Variants in OSBPL3 observed in about 807,000 individuals in gnomAD.
OSBPL3 encodes the protein oxysterol binding protein like 3, also known as oxysterol-binding protein-related protein 3.
A neutral mutation model predicts 120.1 loss-of-function variants in OSBPL3; 65 were observed. The ratio of observed to expected loss-of-function variants is 0.54; its 90% CI spans 0.44 to 0.67. The LOEUF (loss-of-function observed/expected upper bound fraction) is 0.67. OSBPL3 is among the 30% of genes least tolerant of loss of function. The probability of loss-of-function intolerance (pLI) is 0.00; values close to 1 mark genes in which losing one functional copy is unlikely to be tolerated. For synonymous variants in OSBPL3, 416 were observed against 402.6 expected (o/e 1.03, Z -0.40); for missense variants, 1,004 against 1,082.1 (o/e 0.93, Z 1.01).
At chr7:24,857,675 T>C (rs1461862624) in intron 10 of OSBPL3, among the ~76,000 whole-genome samples, 2 of 152,212 alleles carry the variant, frequency 1.3e-5, no homozygotes, top group Non-Finnish European at 1.5e-5. Flanking sequence ...TTATTTACAA[T>C]GTTTTTTAAA....
In OSBPL3 at chr7:24,962,950, A is replaced by G. The variant is rs186951818; in HGVS notation, c.-150+16936T>C. Among the ~76,000 whole-genome samples, 65 of 152,346 alleles carry G rather than the reference A, an allele frequency of 4.3e-4. 1 individual carries two copies. The East Asian group carries it at 0.011, about 25-fold the overall frequency. On this transcript the variant is annotated intron_variant, in intron 1 of 22. Transcript: ENST00000313367. ...GAGTGCCCACCCTCAATTATAATAAAAAGTTTTTAAATATTTTTGAAATGT... is the reference window on the plus strand; with the variant it reads ...GAGTGCCCACCCTCAATTATAATAAGAAGTTTTTAAATATTTTTGAAATGT...
At position 24,896,994 on chromosome 7, in the gene OSBPL3, C is replaced by A. The variant is rs1806226897; in HGVS notation, c.-149-4373G>T. 6.6e-6 allele frequency among the ~76,000 whole-genome samples: 1 copy of A among 151,526 alleles called. No individual in the cohort carries two copies. The highest frequency in any genetic ancestry group is 2.0e-4 in the East Asian group (1 of 5,100). The stretch of plus-strand genomic sequence containing the variant: ...GGCTGAGGCAGGAGAACTGCTTGAA[C>A]CTGGGAGGCAGAGGTTGCAGTGAAC... On this transcript the variant is annotated intron_variant, in intron 1 of 22. Coordinates refer to ENST00000313367, the MANE Select transcript of OSBPL3 (RefSeq NM_015550.4). The surrounding 1 kb of genome is among the most constrained non-coding windows in gnomAD (Gnocchi z 4.4).
Position 24,898,295 on chromosome 7 carries a change from G to A in OSBPL3, c.-149-5674C>T, listed in dbSNP as rs937158933. ...CCTCTGAAGTGCTGTCCATGTGTCC[G>A]AACTATCTGAACTGCTGGTCTGATC... On this transcript the variant is annotated intron_variant, in intron 1 of 22. Coordinates refer to ENST00000313367, the MANE Select transcript of OSBPL3 (RefSeq NM_015550.4). The surrounding 1 kb of genome is among the most constrained non-coding windows in gnomAD (Gnocchi z 4.3). Among the ~76,000 whole-genome samples, 5 of 152,154 alleles carry A rather than the reference G, an allele frequency of 3.3e-5. No homozygotes were observed. Among genetic ancestry groups the A allele is most frequent in the Non-Finnish European group, 2.9e-5 (2 of 68,036 alleles).
chr7:24,907,103 C>A (rs934777079), intron 1 of OSBPL3, among the ~76,000 whole-genome samples: 1 of 152,064 alleles, frequency 6.6e-6, no homozygotes, highest in Non-Finnish European at 1.5e-5. Context: ...GACCTCATCA[C>A]CCCCCAATGT....
rs1387194933 is a variant in OSBPL3, at chr7:24,959,639, TTA to T, written c.-150+20245_-150+20246del. ...ATTTATCTTCTGAAAACTCATTAGA[TTA>T]TATGTTGATGCTTTGTATACTTTTC... On this transcript the variant is annotated intron_variant, in intron 1 of 22. Transcript: ENST00000313367. The surrounding 1 kb of genome is among the most constrained non-coding windows in gnomAD (Gnocchi z 4.3). Among the ~76,000 whole-genome samples, 1 of 152,240 alleles carries T rather than the reference TTA, an allele frequency of 6.6e-6. No homozygotes were observed. The highest frequency in any genetic ancestry group is 1.5e-5 in the Non-Finnish European group (1 of 68,038).
rs1205406191 is a variant in OSBPL3, at chr7:24,851,380, A to C, written c.1158+1124T>G. Among the ~76,000 whole-genome samples, 3 of 152,368 alleles carry C rather than the reference A, an allele frequency of 2.0e-5. No individual in the cohort carries two copies. Among genetic ancestry groups the C allele is most frequent in the African/African-American group, 7.2e-5 (3 of 41,590 alleles). ...GAAGATAGCATACTTGTAATGGTCC[A>C]TCAGTGAATACTCCTTACATATTCT... On this transcript the variant is annotated intron_variant, in intron 11 of 22. Coordinates refer to ENST00000313367, the MANE Select transcript of OSBPL3 (RefSeq NM_015550.4). This position sits in a 1 kb window ranked among gnomAD's most constrained non-coding sequence, Gnocchi z 4.1.
chr7:24,969,328 C>T (rs894531640), intron 1 of OSBPL3, among the ~76,000 whole-genome samples: 2 of 152,194 alleles, frequency 1.3e-5, no homozygotes, highest in Non-Finnish European at 2.9e-5. Context: ...TTTACAGTAA[C>T]TGGCCTTTCT....
intron 10 of OSBPL3, among the ~76,000 whole-genome samples, chr7:24,856,101 T>G (rs1799807404): frequency 6.6e-6 from 1 of 152,234 alleles, no homozygotes; most frequent in Non-Finnish European, 1.5e-5. Context: ...CATTGAGTGT[T>G]CAAATATCGG....
At position 24,929,123 on chromosome 7, in the gene OSBPL3, T is replaced by C. The variant is rs115386578; in HGVS notation, c.-149-36502A>G. ...ACCAGCCATGTCTGACAGCTCTAGT[T>C]GCTCCACATCCTAGCCAACATTTGC... On this transcript the variant is annotated intron_variant, in intron 1 of 22. Transcript: ENST00000313367. 6.5e-3 allele frequency among the ~76,000 whole-genome samples: 986 copies of C among 152,328 alleles called. 10 individuals carry two copies. Among genetic ancestry groups the C allele is most frequent in the African/African-American group, 0.022 (915 of 41,568 alleles).
At position 24,861,900 on chromosome 7, in the gene OSBPL3, T is replaced by TGG. The variant is rs35090190; in HGVS notation, c.871-133_871-132dup. The TGG allele has an allele frequency of 2.5e-3, 968 of 385,906 alleles. 6 individuals are homozygous for TGG. Among genetic ancestry groups the TGG allele is most frequent in the African/African-American group, 0.015 (641 of 42,114 alleles). 23.9% of individuals were successfully genotyped at this position (385,906 alleles called of 1,614,324 possible). A position where few individuals can be genotyped will look rare whatever the true frequency, so the allele number is the denominator to read the frequency against. On this transcript the variant is annotated intron_variant, in intron 9 of 22. Coordinates refer to ENST00000313367, the MANE Select transcript of OSBPL3 (RefSeq NM_015550.4). ...TAGGTAGGTCTTTTTTTTTTTTTTTTGGGGGGGATGGAGTCTCGCTCTGCC... is the reference window on the plus strand; with the variant it reads ...TAGGTAGGTCTTTTTTTTTTTTTTTTGGGGGGGGGATGGAGTCTCGCTCTGCC...
chr7:24,839,209 A>G (rs927699579), intron 14 of OSBPL3, among the ~76,000 whole-genome samples: 1 of 152,208 alleles, frequency 6.6e-6, no homozygotes, highest in African/African-American at 2.4e-5. Flanking sequence ...TATCCAATGC[A>G]TAGTGCAGAC....
At chr7:24,866,533 C>G (rs553627435) in intron 5 of OSBPL3, among the ~76,000 whole-genome samples, 1 of 152,006 alleles carries the variant, frequency 6.6e-6, no homozygotes, top group African/African-American at 2.4e-5. Flanking sequence ...CTGAGCTACT[C>G]GGGAGGCTGA....
At chr7:24,928,408 G>A (rs540296460) in intron 1 of OSBPL3, among the ~76,000 whole-genome samples, 15 of 152,180 alleles carry the variant, frequency 9.9e-5, no homozygotes, top group African/African-American at 3.4e-4. Context: ...AGCCAGGATG[G>A]TCTCGATCTC....
chr7:24,840,513 T>C (rs1015031321), intron 14 of OSBPL3, among the ~76,000 whole-genome samples, 177 bp downstream of exon 14: 1 of 152,172 alleles, frequency 6.6e-6, no homozygotes, highest in Non-Finnish European at 1.5e-5. Context: ...ACACAAAATA[T>C]GTGTTAATCG....
In OSBPL3 at chr7:24,872,031, C is replaced by G. The variant is rs1171662904; in HGVS notation, c.135G>C (p.Met45Ile). The G allele has an allele frequency of 6.2e-7, 1 of 1,613,706 alleles. No individual in the cohort carries two copies. The highest frequency in any genetic ancestry group is 8.5e-7 in the Non-Finnish European group (1 of 1,179,768). Residue 45 changes from methionine (M) to isoleucine (I), a missense_variant, in exon 3 of 23, where the codon ATG becomes ATC. Physicochemically the swap from Met to Ile is conservative, Grantham distance 10. Transcript: ENST00000313367. The surrounding 1 kb of genome is among the most constrained non-coding windows in gnomAD (Gnocchi z 4.1). ...WEVVEGLRGE[M>I]NYTQEPPVQK... is the part of the protein sequence containing the mutation. ...GAACTGGTGGCTCCTGGGTGTAATTCATCTCCCCCCTCAGTCCTTCCACCA... is the reference window on the plus strand; with the variant it reads ...GAACTGGTGGCTCCTGGGTGTAATTGATCTCCCCCCTCAGTCCTTCCACCA...
chr7:24,828,632 A>AAAAAAG (rs1796008813), intron 16 of OSBPL3, among the ~76,000 whole-genome samples: 1 of 148,410 alleles, frequency 6.7e-6, no homozygotes, highest in African/African-American at 2.5e-5. Flanking sequence ...GAAAAAAAAA[A>AAAAAAG]AAAAGGCATC....
chr7:24,846,128 T>C (rs17214144), intron 12 of OSBPL3, among the ~76,000 whole-genome samples: 29,527 of 152,188 alleles, frequency 0.19, 3,038 homozygotes, highest in Non-Finnish European at 0.22. Context: ...CAAAATAACA[T>C]CTATGCTTGA....
Position 24,936,640 on chromosome 7 carries a change from G to A in OSBPL3, c.-150+43246C>T, listed in dbSNP as rs1312462746. 6.6e-6 allele frequency among the ~76,000 whole-genome samples: 1 copy of A among 152,228 alleles called. No individual in the cohort carries two copies. Among genetic ancestry groups the A allele is most frequent in the African/African-American group, 2.4e-5 (1 of 41,458 alleles). Reference sequence around the variant, plus strand: ...AAAGAGAAAATGAAAATAGGGGAAAGAGTCACTCTAGTCACAGAGACTGCC... The same window carrying A: ...AAAGAGAAAATGAAAATAGGGGAAAAAGTCACTCTAGTCACAGAGACTGCC... On this transcript the variant is annotated intron_variant, in intron 1 of 22. Transcript: ENST00000313367. The surrounding 1 kb of genome is among the most constrained non-coding windows in gnomAD (Gnocchi z 4.2).
intron 1 of OSBPL3, among the ~76,000 whole-genome samples, chr7:24,977,503 C>G (rs113534857): frequency 0.033 from 5,047 of 152,256 alleles, 136 homozygotes; most frequent in Middle Eastern, 0.058. Flanking sequence ...ACCTCGTTTT[C>G]CAATTCTTCA....
Sources: allele counts gnomAD v4.1 joint callset (sites outside exome capture counted in the v4.1 genomes callset), GRCh38; gene constraint gnomAD v4.1.1; non-coding constraint Gnocchi (gnomAD v3.1); transcripts MANE v1.5; gene names NCBI Gene and HGNC (gene_info 2026-07-23, HGNC 2026-07-21).